EDEM3: variants seen among roughly 807,000 people sequenced by gnomAD.
The protein encoded by EDEM3 is ER degradation-enhancing alpha-mannosidase-like protein 3.
A neutral mutation model predicts 110.2 loss-of-function variants in EDEM3; 60 were observed. The ratio of observed to expected loss-of-function variants is 0.54; its 90% CI spans 0.44 to 0.67. The LOEUF is 0.67. Among genes scored for constraint, EDEM3 ranks in the 30% least tolerant of loss-of-function variants. The pLI is 0.00. For missense variants in EDEM3, 996 were observed against 1,121.0 expected (o/e 0.89, Z 1.59); for synonymous variants, 352 against 382.9 (o/e 0.92, Z 0.94).
intron 17 of EDEM3, 45 bp downstream of exon 17, chr1:184,708,108 A>G (rs1296453237): frequency 6.7e-7 from 1 of 1,487,136 alleles, no homozygotes; most frequent in East Asian, 2.5e-5. Flanking sequence ...GCAATACTTA[A>G]TATTTTAAAT....
At chr1:184,715,032 A>G (rs1247058560) in intron 13 of EDEM3, among the ~76,000 whole-genome samples, 1 of 152,204 alleles carries the variant, frequency 6.6e-6, no homozygotes, top group African/African-American at 2.4e-5. Context: ...CCCCTCAGGA[A>G]CAGTGAGTCA....
chr1:184,751,149 T>C (rs1652742342), intron 1 of EDEM3, among the ~76,000 whole-genome samples: 1 of 150,786 alleles, frequency 6.6e-6, no homozygotes, highest in Non-Finnish European at 1.5e-5. Context: ...TAATTCTTTG[T>C]AAGTTTACAT....
intron 2 of EDEM3, among the ~76,000 whole-genome samples, chr1:184,744,612 T>C (rs1395735445): frequency 3.9e-5 from 6 of 151,964 alleles, no homozygotes; most frequent in Non-Finnish European, 8.8e-5. Flanking sequence ...CACTCACAGG[T>C]TGACAGCAGC....
chr1:184,704,649 CAAAAAAAAAA>C (rs58913815), intron 18 of EDEM3, among the ~76,000 whole-genome samples: 4 of 29,912 alleles, frequency 1.3e-4, no homozygotes, highest in African/African-American at 3.2e-4. Flanking sequence ...GACTCTGTCT[CAAAAAAAAAA>C]AAAAAAAAAA....
intron 8 of EDEM3, among the ~76,000 whole-genome samples, chr1:184,722,346 T>C (rs997035434): frequency 1.3e-5 from 2 of 152,040 alleles, no homozygotes; most frequent in African/African-American, 4.8e-5. Context: ...AGCTGAAGTA[T>C]GATATGGTAA....
intron 9 of EDEM3, 113 bp from the exon 10 acceptor site, chr1:184,719,681 T>C (rs1650773240): frequency 3.0e-6 from 3 of 987,126 alleles, no homozygotes; most frequent in Non-Finnish European, 4.2e-6. Context: ...ATAAATTCAC[T>C]AAATAACTAC....
At position 184,726,168 on chromosome 1, in the gene EDEM3, C is replaced by A. The variant is rs1571390046; in HGVS notation, c.747+87G>T. ...CACTAAAATAACAGTAATTCTCCAA[C>A]TAATAATCCTAATATTTAACCAATG... On this transcript the variant is annotated intron_variant, in intron 7 of 19. Coordinates refer to ENST00000318130, the MANE Select transcript of EDEM3 (RefSeq NM_025191.4). The A allele has an allele frequency of 2.7e-6, 4 of 1,464,268 alleles. No homozygotes were observed. In the East Asian group the frequency reaches 9.3e-5, roughly 34 times the overall value. The allele number at this position is 1,464,268 out of a possible 1,614,324, so 90.7% of individuals were successfully genotyped here. A position where few individuals can be genotyped will look rare whatever the true frequency, so the allele number is the denominator to read the frequency against.
At chr1:184,748,402 G>C (rs529712251) in intron 2 of EDEM3, among the ~76,000 whole-genome samples, 1 of 151,424 alleles carries the variant, frequency 6.6e-6, no homozygotes, top group African/African-American at 2.4e-5. Context: ...AGCTGAGATA[G>C]TGCCGCTATA....
chr1:184,720,194 CTT>C (rs1386638129), intron 9 of EDEM3, among the ~76,000 whole-genome samples: 1 of 152,096 alleles, frequency 6.6e-6, no homozygotes, highest in African/African-American at 2.4e-5. Flanking sequence ...TCAAGAAATT[CTT>C]GTTATAATCT....
In EDEM3 at chr1:184,751,290, T is replaced by C. The variant is rs1273708514; in HGVS notation, c.159-1698A>G. 3.3e-5 allele frequency among the ~76,000 whole-genome samples: 5 copies of C among 152,046 alleles called. No homozygotes were observed. The East Asian group carries it at 7.7e-4, about 23-fold the overall frequency. On this transcript the variant is annotated intron_variant, in intron 1 of 19. Coordinates refer to ENST00000318130, the MANE Select transcript of EDEM3 (RefSeq NM_025191.4). The stretch of plus-strand genomic sequence containing the variant: ...GGAACTCATATCAATGAATGGAAGA[T>C]GGAAGTCCTCTTTTTTTTCCTTCCC...
At chr1:184,698,248 C>G (rs920911313) in intron 19 of EDEM3, among the ~76,000 whole-genome samples, 1 of 151,770 alleles carries the variant, frequency 6.6e-6, no homozygotes, top group Admixed American at 6.6e-5. Context: ...GACCCATATA[C>G]TTTCTGCCAG....
Position 184,717,580 on chromosome 1 carries a change from A to G in EDEM3, c.1205T>C (p.Leu402Ser). Residue 402 changes from leucine to serine, a missense_variant, in exon 12 of 20, where the codon TTA becomes TCA. Physicochemically the swap from Leu to Ser is moderately radical, Grantham distance 145. Transcript: ENST00000318130. ...GGTACTTTCTGCAAATTCTGGCCTT[A>G]AAGGATGTTGAGCCCAGTGTACTCT... ...DFRVHWAQHPLRPEFAESTYF... is the reference protein window; with the variant it reads ...DFRVHWAQHPSRPEFAESTYF... The G allele has an allele frequency of 6.2e-7, 1 of 1,607,502 alleles. No individual in the cohort carries two copies. Among genetic ancestry groups the G allele is most frequent in the Non-Finnish European group, 8.5e-7 (1 of 1,177,420 alleles).
At position 184,699,949 on chromosome 1, in the gene EDEM3, A is replaced by G. The variant is rs1042564643; in HGVS notation, c.2389+2862T>C. On this transcript the variant is annotated intron_variant, in intron 19 of 19. Coordinates refer to ENST00000318130, the MANE Select transcript of EDEM3 (RefSeq NM_025191.4). ...AATTTGGACCTAAAGGTAACAAAAC[A>G]TTGCCTTTTGTTTGTGGGCACACGG... 2.0e-5 allele frequency among the ~76,000 whole-genome samples: 3 copies of G among 151,962 alleles called. No homozygotes were observed. In the East Asian group the frequency reaches 5.8e-4, roughly 29 times the overall value.
At chr1:184,695,573 C>T (rs2102052314) in intron 19 of EDEM3, among the ~76,000 whole-genome samples, 1 of 151,946 alleles carries the variant, frequency 6.6e-6, no homozygotes, top group Middle Eastern at 3.4e-3. Context: ...CATTGGTATA[C>T]TGTATTGTTT....
In EDEM3 at chr1:184,723,816, C is replaced by CT; in HGVS notation, c.787dup (p.Arg263LysfsTer5). 4 of 1,548,472 alleles carry CT rather than the reference C, an allele frequency of 2.6e-6. No homozygotes were observed. Among genetic ancestry groups the CT allele is most frequent in the Non-Finnish European group, 2.6e-6 (3 of 1,151,474 alleles). ...GCCCACTAAATTACTACTTCGCTGT[C>CT]TTTTTTCCCAGAGAAAATCAAGAGC... On this transcript the variant is annotated frameshift_variant, in exon 8 of 20. Coordinates refer to ENST00000318130, the MANE Select transcript of EDEM3 (RefSeq NM_025191.4). LOFTEE classifies it high-confidence loss of function.
intron 18 of EDEM3, 148 bp downstream of exon 18, chr1:184,706,495 A>G: frequency 1.7e-6 from 1 of 587,528 alleles, no homozygotes; most frequent in African/African-American, 1.9e-5. Context: ...CTAGAAATTA[A>G]AAGTCATTGG....
chr1:184,731,100 G>C (rs1651487442), intron 6 of EDEM3, among the ~76,000 whole-genome samples: 1 of 152,108 alleles, frequency 6.6e-6, no homozygotes, highest in African/African-American at 2.4e-5. Flanking sequence ...GTGCTCTGAA[G>C]CATAAACCAA....
At chr1:184,731,755 G>A (rs1371808359) in intron 6 of EDEM3, among the ~76,000 whole-genome samples, 1 of 152,098 alleles carries the variant, frequency 6.6e-6, no homozygotes, top group Non-Finnish European at 1.5e-5. Flanking sequence ...AATCTAATCT[G>A]TAATGTAATG....
intron 6 of EDEM3, 62 bp from the exon 7 acceptor site, chr1:184,726,451 CTACTT>C: frequency 1.3e-6 from 2 of 1,522,996 alleles, no homozygotes; most frequent in Non-Finnish European, 1.8e-6. Flanking sequence ...TGATAAGAAA[CTACTT>C]TTCAATCAAG....
Sources: allele counts gnomAD v4.1 joint callset (sites outside exome capture counted in the v4.1 genomes callset), GRCh38; gene constraint gnomAD v4.1.1; transcripts MANE v1.5; gene names NCBI Gene and HGNC (gene_info 2026-07-23, HGNC 2026-07-21).